EPHA4: variants seen among roughly 807,000 people sequenced by gnomAD.
The protein encoded by EPHA4 is ephrin type-A receptor 4.
In EPHA4, 19 loss-of-function variants were observed where a neutral mutation model predicts 108.3. The ratio of observed to expected loss-of-function variants is 0.18; its 90% CI spans 0.12 to 0.26. EPHA4 has a LOEUF of 0.26. Ranked by LOEUF, EPHA4 falls within the 10% of genes least tolerant of loss-of-function variation. EPHA4 has a pLI of 1.00. For synonymous variants in EPHA4, 449 were observed against 455.5 expected (o/e 0.99, Z 0.18); for missense variants, 917 against 1,254.0 (o/e 0.73, Z 4.06).
intron 3 of EPHA4, among the ~76,000 whole-genome samples, chr2:221,510,278 T>C (rs1030550033): frequency 2.0e-5 from 3 of 152,256 alleles, no homozygotes; most frequent in African/African-American, 7.2e-5. Flanking sequence ...TGCAGTTTAG[T>C]AACTATAGAC....
chr2:221,543,026 C>T (rs1276519926), intron 3 of EPHA4, among the ~76,000 whole-genome samples: 1 of 152,114 alleles, frequency 6.6e-6, no homozygotes, highest in African/African-American at 2.4e-5. Flanking sequence ...TATGCTCTTT[C>T]TCGTTATGTT....
At chr2:221,502,505 T>C (rs758466687) in intron 3 of EPHA4, 1 of 471,004 alleles carries the variant, frequency 2.1e-6, no homozygotes, top group African/African-American at 2.0e-5. Flanking sequence ...GGAACAACCA[T>C]GCAGCAACGC....
chr2:221,453,694 A>G (rs1347665769), intron 8 of EPHA4, among the ~76,000 whole-genome samples: 1 of 152,218 alleles, frequency 6.6e-6, no homozygotes, highest in African/African-American at 2.4e-5. Context: ...TGGATTTAAC[A>G]TCTCAAGATT....
intron 4 of EPHA4, among the ~76,000 whole-genome samples, chr2:221,491,882 G>A (rs1692155487): frequency 6.6e-6 from 1 of 152,026 alleles, no homozygotes; most frequent in Non-Finnish European, 1.5e-5. Context: ...TGAGTGTGGT[G>A]GCTCGTTTCT....
At chr2:221,421,913 G>A (rs952686648) in intron 17 of EPHA4, 2 of 152,014 alleles carry the variant, frequency 1.3e-5, no homozygotes, top group Non-Finnish European at 2.9e-5. Flanking sequence ...ATTTAAAATT[G>A]TAGAAAACAC....
At chr2:221,538,466 C>T (rs1693734204) in intron 3 of EPHA4, among the ~76,000 whole-genome samples, 1 of 152,158 alleles carries the variant, frequency 6.6e-6, no homozygotes, top group African/African-American at 2.4e-5. Context: ...GAGTTTTATT[C>T]TTACTATTAT....
intron 2 of EPHA4, 90 bp from the exon 3 acceptor site, chr2:221,564,484 T>C: frequency 4.5e-6 from 6 of 1,339,836 alleles, no homozygotes; most frequent in Non-Finnish European, 6.2e-6. Context: ...GACACCTGAT[T>C]ATTTTTCTTT....
At chr2:221,478,024 GACA>G (rs767089589) in intron 5 of EPHA4, among the ~76,000 whole-genome samples, 6 of 151,978 alleles carry the variant, frequency 3.9e-5, no homozygotes, top group Non-Finnish European at 7.4e-5. Context: ...ATAAAAAATG[GACA>G]ACACCGGCCC....
chr2:221,522,582 C>A (rs1693195378), intron 3 of EPHA4, among the ~76,000 whole-genome samples: 1 of 152,168 alleles, frequency 6.6e-6, no homozygotes, highest in African/African-American at 2.4e-5. Flanking sequence ...TAAATTCCCA[C>A]TCTCACCCCA....
At chr2:221,564,917 T>C (rs1233352603) in intron 2 of EPHA4, among the ~76,000 whole-genome samples, 1 of 141,386 alleles carries the variant, frequency 7.1e-6, no homozygotes, top group South Asian at 2.2e-4. Context: ...AAAAAGGCAA[T>C]TGATTTTTTT....
At chr2:221,520,506 CCACACACACACACA>C (rs61047207) in intron 3 of EPHA4, among the ~76,000 whole-genome samples, 88 of 142,128 alleles carry the variant, frequency 6.2e-4, no homozygotes, top group Non-Finnish European at 1.1e-3. Context: ...TTTCCTCTAA[CCACACACACACACA>C]CACACACACA....
intron 2 of EPHA4, among the ~76,000 whole-genome samples, chr2:221,568,225 A>C (rs1694726197): frequency 6.6e-6 from 1 of 152,230 alleles, no homozygotes; most frequent in Admixed American, 6.5e-5. Context: ...AGTGTGCAAA[A>C]GAACAGCAGC....
chr2:221,536,745 G>C (rs1192967298), intron 3 of EPHA4, among the ~76,000 whole-genome samples: 1 of 152,228 alleles, frequency 6.6e-6, no homozygotes, highest in Non-Finnish European at 1.5e-5. Context: ...CAGATTTGTA[G>C]TTAAGGGTGA....
At position 221,523,586 on chromosome 2, in the gene EPHA4, C is replaced by CCTCAGT. The variant is rs754685948; in HGVS notation, c.824-22415_824-22414insACTGAG. On this transcript the variant is annotated intron_variant, in intron 3 of 17. Transcript: ENST00000281821. The stretch of plus-strand genomic sequence containing the variant: ...ACAAGCATGAGCCACCGTGCCTGGC[C>CCTCAGT]AGAATATTTTTTAGTAACTTTTTTT... Among the ~76,000 whole-genome samples the CCTCAGT allele has an allele frequency of 9.1e-3, 1,342 of 147,338 alleles. 14 individuals carry two copies. Among genetic ancestry groups the CCTCAGT allele is most frequent in the East Asian group, 0.025 (121 of 4,778 alleles).
At position 221,425,934 on chromosome 2, in the gene EPHA4, G is replaced by A; in HGVS notation, c.*94C>T. ...TTTTTTCATTTCTTTAATTTCAGAGGGCGAAGACGAAGTAAAAAAAGTGCA... is the reference window on the plus strand; with the variant it reads ...TTTTTTCATTTCTTTAATTTCAGAGAGCGAAGACGAAGTAAAAAAAGTGCA... On this transcript the variant is annotated 3_prime_UTR_variant, in exon 17 of 18. Transcript: ENST00000281821. The A allele has an allele frequency of 1.0e-6, 1 of 1,002,830 alleles. No homozygotes were observed. Among genetic ancestry groups the A allele is most frequent in the Non-Finnish European group, 1.6e-6 (1 of 640,212 alleles). The allele number at this position is 1,002,830 out of a possible 1,614,324, so 62.1% of individuals were successfully genotyped here. A position where few individuals can be genotyped will look rare whatever the true frequency, so the allele number is the denominator to read the frequency against.
intron 3 of EPHA4, among the ~76,000 whole-genome samples, chr2:221,514,903 A>G (rs1273276398): frequency 6.6e-6 from 1 of 152,214 alleles, no homozygotes; most frequent in East Asian, 1.9e-4. Flanking sequence ...TAAAGAAAGC[A>G]AGAGAAACAG....
At chr2:221,510,648 A>C (rs1245012580) in intron 3 of EPHA4, among the ~76,000 whole-genome samples, 1 of 152,242 alleles carries the variant, frequency 6.6e-6, no homozygotes, top group African/African-American at 2.4e-5. Context: ...AGATTCACTA[A>C]ATCTTCCAGA....
chr2:221,477,233 C>T (rs578165127), intron 5 of EPHA4, among the ~76,000 whole-genome samples: 12 of 152,276 alleles, frequency 7.9e-5, no homozygotes, highest in African/African-American at 2.6e-4. Context: ...ACGGGAGCAT[C>T]ATGCTTTCAG....
intron 11 of EPHA4, among the ~76,000 whole-genome samples, chr2:221,438,511 G>A (rs1037099079): frequency 6.6e-6 from 1 of 152,096 alleles, no homozygotes; most frequent in Admixed American, 6.5e-5. Context: ...ACACTGGCAG[G>A]GCACGGTGGC....
Sources: gnomAD v4.1 joint callset for allele counts (sites outside exome capture counted in the v4.1 genomes callset) on GRCh38, gnomAD v4.1.1 for gene constraint, MANE v1.5 for transcripts, NCBI Gene and HGNC (gene_info 2026-07-23, HGNC 2026-07-21) for gene names.